GALNTL6: variants seen among roughly 807,000 people sequenced by gnomAD.
GALNTL6 encodes polypeptide N-acetylgalactosaminyltransferase-like 6.
A neutral mutation model predicts 73.7 loss-of-function variants in GALNTL6; 46 were observed. The ratio of observed to expected loss-of-function variants is 0.62; its 90% CI spans 0.49 to 0.80. The LOEUF (loss-of-function observed/expected upper bound fraction) is 0.80, where lower values mean the gene tolerates loss of function less well. Ranked by LOEUF, GALNTL6 falls within the 30% of genes least tolerant of loss-of-function variation. The probability of loss-of-function intolerance (pLI) is 0.00; values close to 1 mark genes in which losing one functional copy is unlikely to be tolerated. For missense variants in GALNTL6, 604 were observed against 755.0 expected (o/e 0.80, Z 2.34); for synonymous variants, 259 against 263.7 (o/e 0.98, Z 0.17).
intron 5 of GALNTL6, among the ~76,000 whole-genome samples, chr4:172,566,600 A>G (rs542093101): frequency 6.6e-6 from 1 of 152,294 alleles, no homozygotes; most frequent in Non-Finnish European, 1.5e-5. Context: ...TCAAATAAAC[A>G]ACATAACTTT....
chr4:172,257,815 C>T (rs958286227), intron 3 of GALNTL6, among the ~76,000 whole-genome samples: 17 of 151,494 alleles, frequency 1.1e-4, no homozygotes, highest in Non-Finnish European at 2.4e-4. Context: ...TATTAATTTA[C>T]ACAAAAGGTA....
chr4:171,884,316 T>C (rs963505898), intron 2 of GALNTL6, among the ~76,000 whole-genome samples: 1 of 152,130 alleles, frequency 6.6e-6, no homozygotes, highest in Non-Finnish European at 1.5e-5. Flanking sequence ...TAAAGAAAAG[T>C]AGTATTTATT....
At chr4:172,348,500 A>G (rs1283895116) in intron 4 of GALNTL6, 23 bp from the exon 5 acceptor site, 1 of 1,598,282 alleles carries the variant, frequency 6.3e-7, no homozygotes, top group East Asian at 2.2e-5. Flanking sequence ...TTGACACACC[A>G]TTTTCTTTTC....
chr4:172,134,109 C>T (rs1031606364), intron 2 of GALNTL6, among the ~76,000 whole-genome samples: 5 of 151,998 alleles, frequency 3.3e-5, no homozygotes, highest in African/African-American at 4.8e-5. Context: ...AGTGGCCGGG[C>T]GCAATGGCTC....
intron 5 of GALNTL6, among the ~76,000 whole-genome samples, chr4:172,711,595 C>A (rs776090669): frequency 6.6e-6 from 1 of 152,056 alleles, no homozygotes; most frequent in African/African-American, 2.4e-5. Context: ...ACCTGAACAA[C>A]AAAATGATAA....
At chr4:172,791,980 G>T (rs187494000) in intron 5 of GALNTL6, among the ~76,000 whole-genome samples, 2 of 152,238 alleles carry the variant, frequency 1.3e-5, no homozygotes, top group East Asian at 1.9e-4. Flanking sequence ...CCCTCCATGC[G>T]ATTATTAGTC....
intron 2 of GALNTL6, among the ~76,000 whole-genome samples, chr4:172,003,682 C>T (rs902614372): frequency 5.9e-5 from 9 of 152,076 alleles, no homozygotes; most frequent in South Asian, 2.1e-4. Flanking sequence ...ATCACCCCTT[C>T]GAAAGACCGT....
chr4:172,025,226 G>A (rs1741528088), intron 2 of GALNTL6, among the ~76,000 whole-genome samples: 1 of 152,016 alleles, frequency 6.6e-6, no homozygotes, highest in Non-Finnish European at 1.5e-5. Flanking sequence ...AACATTCCCA[G>A]TTGAATTGGA....
At chr4:172,712,809 C>A (rs1394568204) in intron 5 of GALNTL6, among the ~76,000 whole-genome samples, 2 of 152,090 alleles carry the variant, frequency 1.3e-5, no homozygotes, top group Non-Finnish European at 2.9e-5. Context: ...TTAAAAAGTT[C>A]TAAATAGCAA....
intron 5 of GALNTL6, among the ~76,000 whole-genome samples, chr4:172,622,457 C>T (rs1739000122): frequency 6.6e-6 from 1 of 152,144 alleles, no homozygotes; most frequent in African/African-American, 2.4e-5. Flanking sequence ...GATTTCTCAA[C>T]AGCATTAGAA....
chr4:172,485,785 A>G (rs1235180156), intron 5 of GALNTL6, among the ~76,000 whole-genome samples: 2 of 152,164 alleles, frequency 1.3e-5, no homozygotes, highest in African/African-American at 2.4e-5. Context: ...ACATCTTGAA[A>G]CTATAATATA....
intron 2 of GALNTL6, among the ~76,000 whole-genome samples, chr4:171,900,926 A>T (rs765048291): frequency 6.6e-6 from 1 of 152,192 alleles, no homozygotes. Flanking sequence ...TAAGGAGGCA[A>T]TGGAAAATAA....
At chr4:172,468,838 G>A (rs1373746846) in intron 5 of GALNTL6, among the ~76,000 whole-genome samples, 1 of 152,130 alleles carries the variant, frequency 6.6e-6, no homozygotes, top group Non-Finnish European at 1.5e-5. Context: ...TCCCTATTCT[G>A]AGCCCACCCT....
rs1410197595 is a variant in GALNTL6, at chr4:172,834,263, AAAAGAAACGCTGAG to A, written c.923+20543_923+20556del. Among the ~76,000 whole-genome samples the A allele has an allele frequency of 2.0e-5, 3 of 152,246 alleles. No individual in the cohort carries two copies. In the East Asian group the frequency reaches 5.8e-4, roughly 29 times the overall value. ...CTGGGTTACCTCTGGACTGGAAAGT[AAAAGAAACGCTGAG>A]AACCATGAGAGCCCCACATGGCCCA... is the stretch of plus-strand genomic sequence containing the variant. On this transcript the variant is annotated intron_variant, in intron 7 of 12. Transcript: ENST00000506823.
intron 5 of GALNTL6, among the ~76,000 whole-genome samples, chr4:172,473,278 G>A (rs1443605852): frequency 6.6e-6 from 1 of 152,056 alleles, no homozygotes. Flanking sequence ...CAGCATATAA[G>A]GCTGCTGTTA....
chr4:172,163,597 G>A (rs185971869), intron 2 of GALNTL6, among the ~76,000 whole-genome samples: 1 of 151,928 alleles, frequency 6.6e-6, no homozygotes. Flanking sequence ...TTGCATATTA[G>A]TTGCTTGTAT....
At chr4:172,792,887 C>G (rs113040542) in intron 5 of GALNTL6, among the ~76,000 whole-genome samples, 29 of 152,200 alleles carry the variant, frequency 1.9e-4, no homozygotes, top group African/African-American at 5.3e-4. Context: ...TCCTCTAATT[C>G]AGGTTCCAGG....
intron 5 of GALNTL6, among the ~76,000 whole-genome samples, chr4:172,738,939 A>G (rs550078307): frequency 2.2e-4 from 33 of 152,286 alleles, no homozygotes; most frequent in Admixed American, 5.2e-4. Flanking sequence ...CTGGGTTATG[A>G]TAAGAGGTTG....
intron 2 of GALNTL6, among the ~76,000 whole-genome samples, chr4:172,079,839 T>A (rs1437030331): frequency 6.6e-6 from 1 of 152,086 alleles, no homozygotes; most frequent in Non-Finnish European, 1.5e-5. Flanking sequence ...AACACTTTTT[T>A]TTTTACAAAA....
Sources: allele counts gnomAD v4.1 joint callset (sites outside exome capture counted in the v4.1 genomes callset), GRCh38; gene constraint gnomAD v4.1.1; transcripts MANE v1.5; gene names NCBI Gene and HGNC (gene_info 2026-07-23, HGNC 2026-07-21).